TTC7B: variants seen among roughly 807,000 people sequenced by gnomAD.
The protein encoded by TTC7B is tetratricopeptide repeat protein 7B.
TTC7B carries 28 observed loss-of-function variants against 106.8 expected under a neutral mutation model. The observed-to-expected ratio is 0.26, with a 90% CI of 0.19 to 0.36. The LOEUF (loss-of-function observed/expected upper bound fraction) is 0.36, where lower values mean the gene tolerates loss of function less well. Among genes scored for constraint, TTC7B ranks in the 10% least tolerant of loss-of-function variants. TTC7B has a pLI of 1.00. For missense variants in TTC7B, 862 were observed against 1,076.4 expected (o/e 0.80, Z 2.79); for synonymous variants, 405 against 430.6 (o/e 0.94, Z 0.74).
At chr14:90,692,522 AACG>A (rs1887515461) in intron 6 of TTC7B, among the ~76,000 whole-genome samples, 11 of 152,252 alleles carry the variant, frequency 7.2e-5, no homozygotes, top group Non-Finnish European at 1.6e-4. Context: ...GAAACTTTCT[AACG>A]TCCAATGTAA....
chr14:90,565,552 C>T (rs981812796), intron 19 of TTC7B, among the ~76,000 whole-genome samples: 3 of 152,014 alleles, frequency 2.0e-5, no homozygotes, highest in African/African-American at 4.8e-5. Flanking sequence ...CAGGCATGCG[C>T]CACCATGCCC....
At chr14:90,745,148 C>A (rs1283021074) in intron 3 of TTC7B, among the ~76,000 whole-genome samples, 1 of 151,906 alleles carries the variant, frequency 6.6e-6, no homozygotes, top group Non-Finnish European at 1.5e-5. Context: ...GTGACAGCAA[C>A]CGCCAGCTGT....
At chr14:90,654,382 A>C (rs1441775941) in intron 12 of TTC7B, among the ~76,000 whole-genome samples, 1 of 152,208 alleles carries the variant, frequency 6.6e-6, no homozygotes, top group Non-Finnish European at 1.5e-5. Context: ...AAGTTTGTTA[A>C]ATTTTCTGCA....
chr14:90,693,839 G>A (rs1194993443), intron 6 of TTC7B, among the ~76,000 whole-genome samples: 5 of 152,156 alleles, frequency 3.3e-5, no homozygotes, highest in African/African-American at 1.2e-4. Flanking sequence ...ATATGACCCA[G>A]CAATTCCACT....
At chr14:90,581,585 T>C (rs1416610180) in intron 18 of TTC7B, among the ~76,000 whole-genome samples, 1 of 152,136 alleles carries the variant, frequency 6.6e-6, no homozygotes, top group Non-Finnish European at 1.5e-5. Context: ...ACTGCCAAGC[T>C]GGGAGTGAGT....
In TTC7B at chr14:90,776,139, TG is replaced by T. The variant is rs1891020064; in HGVS notation, c.445+4598del. Among the ~76,000 whole-genome samples the T allele has an allele frequency of 3.6e-5, 3 of 84,442 alleles. No individual in the cohort carries two copies. The South Asian group carries it at 1.2e-3, about 34-fold the overall frequency. 55.4% of individuals were successfully genotyped at this position (84,442 alleles called of 152,430 possible). ...GAGCAGGGCAGGAGAGGGCCCCCCG[TG>T]ACACACACACACACACACACACACA... On this transcript the variant is annotated intron_variant, in intron 3 of 19. Coordinates refer to ENST00000328459, the MANE Select transcript of TTC7B (RefSeq NM_001010854.2).
intron 1 of TTC7B, among the ~76,000 whole-genome samples, chr14:90,792,300 G>A (rs72695551): frequency 0.042 from 6,464 of 152,196 alleles, 193 homozygotes; most frequent in Non-Finnish European, 0.058. Flanking sequence ...CTGGGGGCAG[G>A]GTGCGGTGGC....
Position 90,757,853 on chromosome 14 carries a change from G to A in TTC7B, c.446-12931C>T, listed in dbSNP as rs1214125739. Among the ~76,000 whole-genome samples the A allele has an allele frequency of 6.6e-6, 1 of 152,064 alleles. No homozygotes were observed. Among genetic ancestry groups the A allele is most frequent in the Non-Finnish European group, 1.5e-5 (1 of 68,014 alleles). The stretch of plus-strand genomic sequence containing the variant: ...ATAGTCCTTATGACCAGGAATTTTC[G>A]GTCCACGAAAAATATGACGTACTTC... On this transcript the variant is annotated intron_variant, in intron 3 of 19. Transcript: ENST00000328459. This position sits in a 1 kb window ranked among gnomAD's most constrained non-coding sequence, Gnocchi z 4.1.
chr14:90,695,026 T>TCAC (rs1328403316), intron 6 of TTC7B, among the ~76,000 whole-genome samples: 4,750 of 82,576 alleles, frequency 0.058, 469 homozygotes, highest in East Asian at 0.17. Flanking sequence ...TAAATATATG[T>TCAC]ATATTTTTTA....
intron 3 of TTC7B, among the ~76,000 whole-genome samples, chr14:90,779,642 G>T (rs191792228): frequency 6.6e-6 from 1 of 152,186 alleles, no homozygotes; most frequent in Non-Finnish European, 1.5e-5. Context: ...TTTAGAATGT[G>T]CCAGGTACCA....
intron 9 of TTC7B, among the ~76,000 whole-genome samples, chr14:90,664,440 T>C (rs1475029060): frequency 6.6e-6 from 1 of 151,972 alleles, no homozygotes; most frequent in Non-Finnish European, 1.5e-5. Flanking sequence ...CAGCTAATTT[T>C]TTGTATTTTT....
intron 5 of TTC7B, among the ~76,000 whole-genome samples, 172 bp from the exon 6 acceptor site, chr14:90,695,750 G>A (rs1247726149): frequency 6.6e-6 from 1 of 152,182 alleles, no homozygotes; most frequent in Admixed American, 6.6e-5. Flanking sequence ...TTTGACCTAA[G>A]ATTGATGGCC....
chr14:90,720,860 T>C (rs1888868747), intron 5 of TTC7B, among the ~76,000 whole-genome samples: 1 of 152,186 alleles, frequency 6.6e-6, no homozygotes, highest in African/African-American at 2.4e-5. Flanking sequence ...GGACTAGAAA[T>C]TCCACAGGGA....
intron 15 of TTC7B, among the ~76,000 whole-genome samples, chr14:90,629,822 C>G (rs1296472347): frequency 1.3e-5 from 2 of 152,224 alleles, no homozygotes; most frequent in Non-Finnish European, 2.9e-5. Context: ...GCTTTCTGAG[C>G]CCCCGGCGGT....
At chr14:90,645,471 C>A (rs1164335977) in intron 14 of TTC7B, among the ~76,000 whole-genome samples, 1 of 152,142 alleles carries the variant, frequency 6.6e-6, no homozygotes, top group African/African-American at 2.4e-5. Context: ...CCTGTCCATC[C>A]TCTCCTCCTG....
chr14:90,609,054 C>G (rs1892771209), intron 17 of TTC7B, among the ~76,000 whole-genome samples: 2 of 152,200 alleles, frequency 1.3e-5, no homozygotes, highest in African/African-American at 4.8e-5. Context: ...CTTGCAGTGG[C>G]TAGTCCTGAC....
intron 17 of TTC7B, among the ~76,000 whole-genome samples, chr14:90,610,387 C>T (rs1028489148): frequency 1.3e-5 from 2 of 152,238 alleles, no homozygotes; most frequent in Admixed American, 6.5e-5. Flanking sequence ...AGAAAGTGAA[C>T]CTTGCTTTCA....
intron 15 of TTC7B, among the ~76,000 whole-genome samples, chr14:90,621,450 C>G (rs1189245033): frequency 1.3e-5 from 2 of 151,556 alleles, no homozygotes; most frequent in African/African-American, 4.9e-5. Flanking sequence ...GTGGGTACGG[C>G]CGGGACAAGT....
chr14:90,699,804 G>A (rs993482532), intron 5 of TTC7B, among the ~76,000 whole-genome samples: 8 of 152,286 alleles, frequency 5.3e-5, no homozygotes, highest in Non-Finnish European at 1.0e-4. Flanking sequence ...CCAAGGCCAG[G>A]TTGGTCCCTG....
Sources: gnomAD v4.1 joint callset for allele counts (sites outside exome capture counted in the v4.1 genomes callset) on GRCh38, gnomAD v4.1.1 for gene constraint, Gnocchi (gnomAD v3.1) non-coding constraint, MANE v1.5 for transcripts, NCBI Gene and HGNC (gene_info 2026-07-23, HGNC 2026-07-21) for gene names.